Variants in MAGEB17 observed in about 807,000 individuals in gnomAD.
MAGEB17 encodes the protein melanoma-associated antigen B17.
For synonymous variants in MAGEB17, 110 were observed against 112.4 expected, an observed-to-expected ratio of 0.98 and a Z score of 0.13; for missense variants, 251 against 281.4, an observed-to-expected ratio of 0.89 and a Z score of 0.77.
At chrX:16,170,009 G>A (rs1417410656) in intron 1 of MAGEB17, among the ~76,000 whole-genome samples, 8 of 111,359 alleles carry the variant, frequency 7.2e-5, no homozygotes, top group Non-Finnish European at 1.1e-4. Flanking sequence ...TGGAGCCACC[G>A]ACCCCAAATT....
rs1296468997 is a variant in MAGEB17, at chrX:16,170,464, G to A, written c.82G>A (p.Ala28Thr). 2.6e-6 allele frequency: 3 copies of A among 1,167,204 alleles called. No homozygotes were observed. Among genetic ancestry groups the A allele is most frequent in the East Asian group, 3.3e-5 (1 of 30,759 alleles). ...ARGEDQCLGG[A>T]QATAAEKEKL... Reference sequence around the variant, plus strand: ...AGGTGAAGACCAATGTCTCGGGGGTGCTCAAGCCACCGCAGCAGAGAAGGA... The same window carrying A: ...AGGTGAAGACCAATGTCTCGGGGGTACTCAAGCCACCGCAGCAGAGAAGGA... The change falls in exon 2 of 2, where the codon GCT becomes ACT. Residue 28 changes from alanine to threonine, a missense_variant. Transcript: ENST00000400004.
Position 16,171,214 on chromosome X carries a change from CG to C in MAGEB17, c.833del (p.Arg278LeufsTer7). ...CGAGTTCCTGTGGGGTCCCAGGGCC[CG>C]TGCTGAAACCAGCAAAATGAAAGTC... ...RYEFLWGPRARAETSKMKVLE... is the reference protein window; with the variant it reads ...RYEFLWGPRAXAETSKMKVLE... On this transcript the variant is annotated frameshift_variant, in exon 2 of 2. Coordinates refer to ENST00000400004, the MANE Select transcript of MAGEB17 (RefSeq NM_001277307.2). LOFTEE classifies it low-confidence loss of function (END_TRUNC). 8.3e-7 allele frequency: 1 copy of C among 1,209,695 alleles called. No individual in the cohort carries two copies. The highest frequency in any genetic ancestry group is 1.1e-6 in the Non-Finnish European group (1 of 894,603).
At chrX:16,170,120 GAAGT>G (rs1049298923) in intron 1 of MAGEB17, among the ~76,000 whole-genome samples, 106 of 112,470 alleles carry the variant, frequency 9.4e-4, no homozygotes, top group African/African-American at 3.1e-3. Context: ...AGGAAACAGA[GAAGT>G]AAGGATCTTG....
chrX:16,171,138 A>G lies in MAGEB17; in HGVS notation c.756A>G (p.Arg252=). The change falls in exon 2 of 2, where the codon CGA becomes CGG. Residue 252 remains arginine (R), a synonymous_variant. Transcript: ENST00000400004. ...AGCTTGTCACCAAAGATTTGGTGCG[A>G]GAGGGGTACCTGGAGTACCAGCAGG... ...PQELVTKDLV[R]EGYLEYQQVP... 1.7e-6 allele frequency: 2 copies of G among 1,211,254 alleles called. No individual in the cohort carries two copies. Among genetic ancestry groups the G allele is most frequent in the Middle Eastern group, 2.3e-4 (1 of 4,352 alleles).
chrX:16,169,474 G>A lies in MAGEB17; in HGVS notation c.-49-860G>A, dbSNP rs574193054. On this transcript the variant is annotated intron_variant, in intron 1 of 1. Coordinates refer to ENST00000400004, the MANE Select transcript of MAGEB17 (RefSeq NM_001277307.2). ...ATGATGAGCATTTGTGGCCAGCTGA[G>A]GTGACCGTCACTACTTCCTAGGGGT... Among the ~76,000 whole-genome samples the A allele has an allele frequency of 3.4e-4, 38 of 112,349 alleles. 1 individual carries two copies. In the South Asian group the frequency reaches 0.013, roughly 38 times the overall value.
intron 1 of MAGEB17, among the ~76,000 whole-genome samples, chrX:16,169,821 C>G (rs113286870): frequency 0.027 from 2,987 of 111,282 alleles, 50 homozygotes; most frequent in Non-Finnish European, 0.037. Flanking sequence ...GCCACCGAAC[C>G]CAGAACATCA....
chrX:16,168,606 G>A (rs1214660995), intron 1 of MAGEB17: 1 of 112,685 alleles, frequency 8.9e-6, no homozygotes, highest in Non-Finnish European at 1.9e-5. Context: ...AGGCAGAGCA[G>A]TGGGGTCCCC....
chrX:16,168,524 A>G (rs1220475124), intron 1 of MAGEB17, among the ~76,000 whole-genome samples: 1 of 111,650 alleles, frequency 9.0e-6, no homozygotes, highest in East Asian at 2.8e-4. Context: ...TGGCTGACTC[A>G]GGTCAGTGGA....
chrX:16,168,271 A>G, intron 1 of MAGEB17, among the ~76,000 whole-genome samples: 1 of 110,668 alleles, frequency 9.0e-6, no homozygotes, highest in East Asian at 2.8e-4. Context: ...GCTTGAGCCC[A>G]GCAGGTCGAA....
At chrX:16,169,626 C>T (rs1441323236) in intron 1 of MAGEB17, among the ~76,000 whole-genome samples, 4 of 111,490 alleles carry the variant, frequency 3.6e-5, no homozygotes, top group Non-Finnish European at 7.5e-5. Flanking sequence ...CACCTGGATC[C>T]GGGGGCACCA....
chrX:16,170,316 C>T lies in MAGEB17; in HGVS notation c.-49-18C>T, dbSNP rs1923027700. 19 of 1,117,760 alleles carry T rather than the reference C, an allele frequency of 1.7e-5. No homozygotes were observed. The highest frequency in any genetic ancestry group is 3.1e-5 in the Admixed American group (1 of 32,090). The allele number at this position is 1,117,760 out of a possible 1,213,427, so 92.1% of individuals were successfully genotyped here. Reference sequence around the variant, plus strand: ...CTCCCCACTGAGGGGCTCACACACTCTGTTCCTCCTGCTCCAGGTGCCCAC... The same window carrying T: ...CTCCCCACTGAGGGGCTCACACACTTTGTTCCTCCTGCTCCAGGTGCCCAC... On this transcript the variant is annotated intron_variant, in intron 1 of 1. Transcript: ENST00000400004.
In MAGEB17 at chrX:16,171,255, C is replaced by A. The variant is rs1439960837; in HGVS notation, c.873C>A (p.Ala291=). ...TSKMKVLEFV[A]KLNDTVASTY... is the part of the protein sequence containing the mutation. ...AAATGAAAGTCCTGGAGTTTGTGGCCAAGCTCAATGATACCGTTGCCAGTA... is the reference window on the plus strand; with the variant it reads ...AAATGAAAGTCCTGGAGTTTGTGGCAAAGCTCAATGATACCGTTGCCAGTA... Residue 291 remains alanine (A), a synonymous_variant, in exon 2 of 2, where the codon GCC becomes GCA. Coordinates refer to ENST00000400004, the MANE Select transcript of MAGEB17 (RefSeq NM_001277307.2). 1 of 1,209,729 alleles carries A rather than the reference C, an allele frequency of 8.3e-7. No individual in the cohort carries two copies. Among genetic ancestry groups the A allele is most frequent in the East Asian group, 3.0e-5 (1 of 33,830 alleles).
Position 16,171,248 on chromosome X carries a change from T to C in MAGEB17, c.866T>C (p.Phe289Ser), listed in dbSNP as rs1285569278. Residue 289 changes from phenylalanine to serine, a missense_variant, in exon 2 of 2, where the codon TTT becomes TCT. Transcript: ENST00000400004. ...AETSKMKVLE[F>S]VAKLNDTVAS... ...ACCAGCAAAATGAAAGTCCTGGAGT[T>C]TGTGGCCAAGCTCAATGATACCGTT... 2 of 1,208,136 alleles carry C rather than the reference T, an allele frequency of 1.7e-6. No individual in the cohort carries two copies. The highest frequency in any genetic ancestry group is 2.2e-6 in the Non-Finnish European group (2 of 894,581).
At chrX:16,170,239 A>G (rs1923026180) in intron 1 of MAGEB17, 95 bp from the exon 2 acceptor site, 1 of 1,049,731 alleles carries the variant, frequency 9.5e-7, no homozygotes. Context: ...TGGTGGGGCT[A>G]TGGAGCAGGG....
rs1294235290 is a variant in MAGEB17, at chrX:16,171,190, G to A, written c.808G>A (p.Glu270Lys). The A allele has an allele frequency of 9.9e-6, 12 of 1,208,828 alleles. No homozygotes were observed. Among genetic ancestry groups the A allele is most frequent in the African/African-American group, 1.7e-5 (1 of 57,171 alleles). Residue 270 changes from glutamate (E) to lysine (K), a missense_variant, in exon 2 of 2, where the codon GAG becomes AAG. Glu to Lys is a moderately conservative substitution (Grantham distance 56). Transcript: ENST00000400004. ...GCCCAGCAGCGATCCTCCACGCTAC[G>A]AGTTCCTGTGGGGTCCCAGGGCCCG... ...QVPSSDPPRY[E>K]FLWGPRARAE...
chrX:16,167,770 G>A lies in MAGEB17; in HGVS notation c.-63G>A, dbSNP rs1922971979. 1 of 111,922 alleles carries A rather than the reference G, an allele frequency of 8.9e-6. No homozygotes were observed. Among genetic ancestry groups the A allele is most frequent in the African/African-American group, 3.3e-5 (1 of 30,711 alleles). 9.2% of individuals were successfully genotyped at this position (111,922 alleles called of 1,213,427 possible). On this transcript the variant is annotated 5_prime_UTR_variant, in exon 1 of 2. Coordinates refer to ENST00000400004, the MANE Select transcript of MAGEB17 (RefSeq NM_001277307.2). The stretch of plus-strand genomic sequence containing the variant: ...CTCAGGCTACCAGAACCCCAAGACT[G>A]GTTGGGTATCAAGGTAAGGACCCTG...
chrX:16,171,371 C>A lies in MAGEB17; in HGVS notation c.989C>A (p.Ala330Asp). 3 of 1,114,920 alleles carry A rather than the reference C, an allele frequency of 2.7e-6. No homozygotes were observed. The highest frequency in any genetic ancestry group is 3.5e-6 in the Non-Finnish European group (3 of 849,376). The allele number at this position is 1,114,920 out of a possible 1,213,427, so 91.9% of individuals were successfully genotyped here. A position where few individuals can be genotyped will look rare whatever the true frequency, so the allele number is the denominator to read the frequency against. Residue 330 changes from alanine to aspartate, a missense_variant, in exon 2 of 2, where the codon GCT (alanine) becomes GAT (aspartate). Transcript: ENST00000400004. The part of the protein sequence containing the change: ...AVARDSARAR[A>D]SRSFQP ...GCCAGGGATAGCGCCAGGGCCAGGG[C>A]TAGCAGGTCCTTTCAGCCCTAGTGA...
At position 16,170,545 on chromosome X, in the gene MAGEB17, A is replaced by C. The variant is rs1923036349; in HGVS notation, c.163A>C (p.Asn55His). 1 of 1,164,741 alleles carries C rather than the reference A, an allele frequency of 8.6e-7. No individual in the cohort carries two copies. Among genetic ancestry groups the C allele is most frequent in the Non-Finnish European group, 1.1e-6 (1 of 872,550 alleles). ...ACQSPPQSFP[N>H]AGIPQESQRA... is the part of the protein sequence containing the mutation. Reference sequence around the variant, plus strand: ...CCAGAGTCCTCCCCAGAGCTTCCCCAATGCAGGCATTCCTCAGGAGTCCCA... The same window carrying C: ...CCAGAGTCCTCCCCAGAGCTTCCCCCATGCAGGCATTCCTCAGGAGTCCCA... The change falls in exon 2 of 2, where the codon AAT becomes CAT. Residue 55 changes from asparagine to histidine, a missense_variant. Asn to His is a moderately conservative substitution (Grantham distance 68). Transcript: ENST00000400004.
Position 16,167,798 on chromosome X carries a change from C to T in MAGEB17, c.-50+15C>T, listed in dbSNP as rs781045879. 2 of 111,776 alleles carry T rather than the reference C, an allele frequency of 1.8e-5. No homozygotes were observed. Among genetic ancestry groups the T allele is most frequent in the African/African-American group, 3.3e-5 (1 of 30,718 alleles). 9.2% of individuals were successfully genotyped at this position (111,776 alleles called of 1,213,427 possible). A position where few individuals can be genotyped will look rare whatever the true frequency, so the allele number is the denominator to read the frequency against. On this transcript the variant is annotated intron_variant, in intron 1 of 1. Transcript: ENST00000400004. The stretch of plus-strand genomic sequence containing the variant: ...TGGGTATCAAGGTAAGGACCCTGAT[C>T]GTGGACTGAAAGGCCCACCACACGC...
Sources: gnomAD v4.1 joint callset for allele counts (sites outside exome capture counted in the v4.1 genomes callset) on GRCh38, gnomAD v4.1.1 for gene constraint, MANE v1.5 for transcripts, NCBI Gene and HGNC (gene_info 2026-07-23, HGNC 2026-07-21) for gene names.